MTERF4: variants seen among roughly 807,000 people sequenced by gnomAD.
MTERF4 encodes the protein transcription termination factor 4, mitochondrial.
In MTERF4, 17 loss-of-function variants were observed where a neutral mutation model predicts 22.5. The observed-to-expected ratio is 0.75, with a 90% confidence interval of 0.52 to 1.13. The LOEUF is 1.13. Ranked by LOEUF, MTERF4 falls within the 50% of genes most tolerant of loss-of-function variation. The pLI, the probability that MTERF4 is intolerant of heterozygous loss-of-function variation, is 0.00. For missense variants in MTERF4, 420 were observed against 466.8 expected (o/e 0.90, Z 0.92); for synonymous variants, 165 against 175.3 (o/e 0.94, Z 0.47).
At chr2:241,069,321 A>T (rs1285804764), downstream of MTERF4, among the ~76,000 whole-genome samples, 2 of 152,134 alleles carry the variant, frequency 1.3e-5, no homozygotes, top group Non-Finnish European at 2.9e-5. This position sits in a 1 kb window ranked among gnomAD's most constrained non-coding sequence, Gnocchi z 4.9. Flanking sequence ...TGGGCCAGGG[A>T]TACCCATGCT....
chr2:241,092,304 G>A (rs1300483374), downstream of MTERF4: 1 of 152,274 alleles, frequency 6.6e-6, no homozygotes, highest in South Asian at 2.1e-4. This position sits in a 1 kb window ranked among gnomAD's most constrained non-coding sequence, Gnocchi z 4.6. Flanking sequence ...CTCTATCAAG[G>A]GTCAGACGGT....
Position 241,095,879 on chromosome 2 carries a change from A to G in MTERF4, c.*119T>C. On this transcript the variant is annotated 3_prime_UTR_variant, in exon 4 of 4. Transcript: ENST00000391980. ...GACTTATAATTTTTTTCATCAAGAGACCAGTTTTAGAATAAAAAATAACTT... is the reference window on the plus strand; with the variant it reads ...GACTTATAATTTTTTTCATCAAGAGGCCAGTTTTAGAATAAAAAATAACTT... The G allele has an allele frequency of 1.0e-5, 15 of 1,501,700 alleles. No homozygotes were observed. Among genetic ancestry groups the G allele is most frequent in the Admixed American group, 2.3e-5 (1 of 43,922 alleles). The allele number at this position is 1,501,700 out of a possible 1,614,324, so 93.0% of individuals were successfully genotyped here. A position where few individuals can be genotyped will look rare whatever the true frequency, so the allele number is the denominator to read the frequency against.
chr2:241,064,870 T>C, the MTERF4 span: 3 of 1,589,702 alleles, frequency 1.9e-6, no homozygotes, highest in Non-Finnish European at 2.6e-6. The surrounding 1 kb of genome is among the most constrained non-coding windows in gnomAD (Gnocchi z 7.0). Flanking sequence ...CTCCAGCCCC[T>C]GTGGGGGCCG....
downstream of MTERF4, chr2:241,071,827 G>A: frequency 1.2e-6 from 2 of 1,604,572 alleles, no homozygotes; most frequent in East Asian, 2.2e-5. Flanking sequence ...CAGAGGAAGA[G>A]TGAGCGCCAG....
the MTERF4 span, among the ~76,000 whole-genome samples, chr2:241,066,721 TG>T: frequency 6.6e-6 from 1 of 152,118 alleles, no homozygotes; most frequent in African/African-American, 2.4e-5. Flanking sequence ...GTGAAACCTA[TG>T]GGTAGCATGG....
At chr2:241,099,970 A>G (rs2064630444) in intron 1 of MTERF4, 76 bp from the exon 2 acceptor site, 1 of 1,514,418 alleles carries the variant, frequency 6.6e-7, no homozygotes, top group African/African-American at 1.4e-5. Context: ...CTTCTGAGCC[A>G]GAGTACTTAC....
At chr2:241,056,025 T>A in the MTERF4 span, among the ~76,000 whole-genome samples, 2 of 149,242 alleles carry the variant, frequency 1.3e-5, no homozygotes, top group Non-Finnish European at 1.5e-5. Context: ...ACTGTTCTTA[T>A]ACGCACTATG....
At chr2:241,048,955 G>T in the MTERF4 span, 1 of 1,437,500 alleles carries the variant, frequency 7.0e-7, no homozygotes, top group South Asian at 1.2e-5. Flanking sequence ...CCCCATCCTT[G>T]ACAAGGACTC....
At chr2:241,065,617 C>A in the MTERF4 span, 1 of 1,604,312 alleles carries the variant, frequency 6.2e-7, no homozygotes, top group South Asian at 1.1e-5. Context: ...CGAGCCTGGC[C>A]GTCCCTGCCC....
chr2:241,051,746 C>G, the MTERF4 span: 1 of 1,489,686 alleles, frequency 6.7e-7, no homozygotes. This position sits in a 1 kb window ranked among gnomAD's most constrained non-coding sequence, Gnocchi z 4.7. Flanking sequence ...CCACACAGCC[C>G]GGCCACACCT....
chr2:241,049,235 C>T, the MTERF4 span: 3 of 862,460 alleles, frequency 3.5e-6, no homozygotes, highest in South Asian at 3.1e-5. Context: ...CCCTACTTCC[C>T]TTCTGACTCT....
chr2:241,083,078 A>AGTGTGGT (rs975841529), downstream of MTERF4, among the ~76,000 whole-genome samples: 1 of 152,104 alleles, frequency 6.6e-6, no homozygotes, highest in Non-Finnish European at 1.5e-5. Context: ...CAGCAGTGAG[A>AGTGTGGT]GTGTGGTGTG....
chr2:241,065,334 G>C, the MTERF4 span: 1 of 1,612,990 alleles, frequency 6.2e-7, no homozygotes. Flanking sequence ...GATGGAGAGA[G>C]TGGAGGAGAG....
the MTERF4 span, chr2:241,050,029 C>T: frequency 2.2e-6 from 2 of 916,814 alleles, no homozygotes; most frequent in Non-Finnish European, 3.6e-6. Flanking sequence ...CCTTGTTTCG[C>T]GAATTGCTGA....
At chr2:241,055,963 G>T in the MTERF4 span, among the ~76,000 whole-genome samples, 7 of 152,232 alleles carry the variant, frequency 4.6e-5, no homozygotes. Context: ...TCGCTACCTA[G>T]TAGAGAATAC....
At chr2:241,094,062 A>G (rs2064225744), downstream of MTERF4, 3 of 330,330 alleles carry the variant, frequency 9.1e-6, no homozygotes, top group South Asian at 7.1e-5. The surrounding 1 kb of genome is among the most constrained non-coding windows in gnomAD (Gnocchi z 4.3). Flanking sequence ...AGTGACCGGG[A>G]TGCCACAATG....
the MTERF4 span, chr2:241,049,153 G>A: frequency 6.9e-6 from 11 of 1,595,358 alleles, no homozygotes; most frequent in Middle Eastern, 1.7e-4. Context: ...GCTCGGGGAC[G>A]AGCCTGCTGG....
At chr2:241,091,052 A>G (rs532030835), downstream of MTERF4, among the ~76,000 whole-genome samples, 2 of 152,288 alleles carry the variant, frequency 1.3e-5, no homozygotes, top group East Asian at 3.9e-4. The surrounding 1 kb of genome is among the most constrained non-coding windows in gnomAD (Gnocchi z 4.1). Flanking sequence ...GTCACCTGAA[A>G]TATTAATGTA....
At chr2:241,072,556 A>G (rs763132317) in exon 5 of MTERF4, 2 of 303,254 alleles carry the variant, frequency 6.6e-6, no homozygotes, top group Non-Finnish European at 1.3e-5. Context: ...TTTAATGAAC[A>G]CGCTCTGAGC....
Sources: gnomAD v4.1 joint callset for allele counts (sites outside exome capture counted in the v4.1 genomes callset) on GRCh38, gnomAD v4.1.1 for gene constraint, Gnocchi (gnomAD v3.1) non-coding constraint, MANE v1.5 for transcripts, NCBI Gene and HGNC (gene_info 2026-07-23, HGNC 2026-07-21) for gene names.